The following IQANK1 variants were observed in gnomAD, a reference collection of about 807,000 sequenced individuals.
IQANK1 encodes IQ motif and ankyrin repeat domain-containing protein 1.
In IQANK1, 30 loss-of-function variants were observed where a neutral mutation model predicts 22.6. The ratio of observed to expected loss-of-function variants is 1.33; its 90% confidence interval spans 0.99 to 1.80. The LOEUF (loss-of-function observed/expected upper bound fraction) is 1.80. Among genes scored for constraint, IQANK1 ranks in the 40% most tolerant of loss-of-function variants. IQANK1 has a pLI of 0.00. For synonymous variants in IQANK1, 122 were observed against 99.6 expected (o/e 1.23, Z -1.34); for missense variants, 275 against 235.2 (o/e 1.17, Z -1.11).
chr8:143,788,874 G>A (rs1255189287), intron 7 of IQANK1, 41 bp from the exon 8 acceptor site: 1 of 398,910 alleles, frequency 2.5e-6, no homozygotes, highest in Non-Finnish European at 4.4e-6. Flanking sequence ...AGGAGACTCG[G>A]AACACGCACT....
In IQANK1 at chr8:143,748,817, TATAA is replaced by T. The variant is rs1372957550; in HGVS notation, c.175+8873_175+8876del. Reference sequence around the variant, plus strand: ...TATATAAATATATATCATATAAATATATAAATATATATTTCATATATAAATATAT... The same window carrying T: ...TATATAAATATATATCATATAAATATATATATATTTCATATATAAATATAT... On this transcript the variant is annotated intron_variant, in intron 3 of 13. Transcript: ENST00000527139. Among the ~76,000 whole-genome samples the T allele has an allele frequency of 4.5e-3, 520 of 116,578 alleles. 10 individuals carry two copies. Among genetic ancestry groups the T allele is most frequent in the African/African-American group, 0.017 (477 of 27,868 alleles). The allele number at this position is 116,578 out of a possible 152,430, so 76.5% of individuals were successfully genotyped here. A position where few individuals can be genotyped will look rare whatever the true frequency, so the allele number is the denominator to read the frequency against.
chr8:143,768,403 G>A (rs187861500), intron 3 of IQANK1, among the ~76,000 whole-genome samples: 35 of 152,130 alleles, frequency 2.3e-4, no homozygotes, highest in Admixed American at 2.2e-3. Context: ...CTTTGTAAAT[G>A]TACTATGTTT....
chr8:143,765,978 T>A (rs1323967934), intron 3 of IQANK1, among the ~76,000 whole-genome samples: 1 of 152,198 alleles, frequency 6.6e-6, no homozygotes, highest in African/African-American at 2.4e-5. Flanking sequence ...GGAGAAAGGT[T>A]GCTAAGGCAC....
At chr8:143,766,261 T>C (rs913106830) in intron 3 of IQANK1, among the ~76,000 whole-genome samples, 16 of 152,236 alleles carry the variant, frequency 1.1e-4, no homozygotes, top group Middle Eastern at 3.2e-3. Context: ...CTTACGGCTT[T>C]GTAGTATTTC....
intron 10 of IQANK1, 52 bp from the exon 11 acceptor site, chr8:143,789,709 C>G (rs1819982541): frequency 4.1e-6 from 5 of 1,226,520 alleles, no homozygotes; most frequent in Admixed American, 4.2e-5. Context: ...GCTGCCCTCT[C>G]CAGCCAGAGC....
intron 7 of IQANK1, among the ~76,000 whole-genome samples, chr8:143,780,165 G>A (rs1301782415): frequency 1.3e-5 from 2 of 152,018 alleles, no homozygotes; most frequent in African/African-American, 4.8e-5. Flanking sequence ...TATAGTGCTT[G>A]CTTCCTTCTT....
At chr8:143,773,796 G>C (rs1322882366) in intron 7 of IQANK1, among the ~76,000 whole-genome samples, 5 of 152,168 alleles carry the variant, frequency 3.3e-5, no homozygotes, top group Non-Finnish European at 7.4e-5. Flanking sequence ...GGGCCGAGGC[G>C]GTGGGCTTAG....
intron 7 of IQANK1, among the ~76,000 whole-genome samples, chr8:143,788,188 G>A (rs535102765): frequency 1.7e-4 from 26 of 152,324 alleles, no homozygotes; most frequent in Admixed American, 1.7e-3. Flanking sequence ...ATTCACACAC[G>A]GAGCCACCCA....
chr8:143,743,191 C>T lies in IQANK1; in HGVS notation c.175+3243C>T, dbSNP rs1301205063. The T allele has an allele frequency of 1.1e-5, 4 of 369,590 alleles. No individual in the cohort carries two copies. The East Asian group carries it at 2.2e-4, about 20-fold the overall frequency. The allele number at this position is 369,590 out of a possible 1,614,324, so 22.9% of individuals were successfully genotyped here. A position where few individuals can be genotyped will look rare whatever the true frequency, so the allele number is the denominator to read the frequency against. On this transcript the variant is annotated intron_variant, in intron 3 of 13. Transcript: ENST00000527139. The stretch of plus-strand genomic sequence containing the variant: ...CCCTCTGGCTCTCCACTTCTGCCTC[C>T]CTCTTCCACTGTTTTTGGTTTGGGT...
At chr8:143,751,316 A>C (rs539285043) in intron 3 of IQANK1, among the ~76,000 whole-genome samples, 1 of 152,224 alleles carries the variant, frequency 6.6e-6, no homozygotes, top group Admixed American at 6.5e-5. Flanking sequence ...TAAAAATAAT[A>C]ATTTAAAAAT....
At chr8:143,749,363 A>T (rs1554627740) in intron 3 of IQANK1, among the ~76,000 whole-genome samples, 1 of 130,940 alleles carries the variant, frequency 7.6e-6, no homozygotes, top group African/African-American at 3.0e-5. Flanking sequence ...ATATAAAAAT[A>T]TATAAATATA....
chr8:143,788,451 C>A (rs893718223), intron 7 of IQANK1, among the ~76,000 whole-genome samples: 1 of 152,224 alleles, frequency 6.6e-6, no homozygotes, highest in Non-Finnish European at 1.5e-5. Flanking sequence ...GAGGCAGCGG[C>A]GGCCCCAGGG....
intron 10 of IQANK1, 80 bp downstream of exon 10, chr8:143,789,608 C>T: frequency 8.2e-7 from 1 of 1,225,696 alleles, no homozygotes; most frequent in Non-Finnish European, 1.0e-6. Flanking sequence ...GAGCTCCCCG[C>T]TCCCAGGCCT....
intron 2 of IQANK1, among the ~76,000 whole-genome samples, chr8:143,737,344 C>T (rs1240754284): frequency 3.3e-5 from 5 of 152,234 alleles, no homozygotes; most frequent in East Asian, 3.9e-4. Context: ...CTGCCCTGGA[C>T]GGCTCTGGCC....
intron 3 of IQANK1, among the ~76,000 whole-genome samples, chr8:143,765,739 G>GTATATATATATAAAGTACA (rs1819471418): frequency 6.6e-6 from 1 of 152,120 alleles, no homozygotes; most frequent in South Asian, 2.1e-4. Context: ...TTCCTTTGTG[G>GTATATATATATAAAGTACA]TATATAAAGT....
At position 143,758,469 on chromosome 8, in the gene IQANK1, G is replaced by GA. The variant is rs1301554082; in HGVS notation, c.176-13009dup. 1.6e-3 allele frequency: 238 copies of GA among 145,296 alleles called. 1 individual carries two copies. Among genetic ancestry groups the GA allele is most frequent in the African/African-American group, 4.4e-3 (175 of 39,696 alleles). The allele number at this position is 145,296 out of a possible 1,614,324, so 9.0% of individuals were successfully genotyped here. ...CAAGAGCGAAACTCCATCTCAAAAAGAAAAAAAAAAGAAGATGAAACATTT... is the reference window on the plus strand; with the variant it reads ...CAAGAGCGAAACTCCATCTCAAAAAGAAAAAAAAAAAGAAGATGAAACATTT... On this transcript the variant is annotated intron_variant, in intron 3 of 13. Transcript: ENST00000527139. The surrounding 1 kb of genome is among the most constrained non-coding windows in gnomAD (Gnocchi z 4.2).
intron 3 of IQANK1, chr8:143,759,230 A>G: frequency 1.1e-5 from 2 of 184,612 alleles, no homozygotes; most frequent in Non-Finnish European, 1.2e-5. Flanking sequence ...TGTGGACGTT[A>G]CAGCCCTGCA....
At chr8:143,750,031 T>G (rs1183116614) in intron 3 of IQANK1, among the ~76,000 whole-genome samples, 1 of 149,502 alleles carries the variant, frequency 6.7e-6, no homozygotes, top group East Asian at 2.0e-4. Context: ...TGAGGTGGAG[T>G]TTCGCTCTTG....
Position 143,790,075 on chromosome 8 carries a change from C to T in IQANK1, c.1289+11C>T, listed in dbSNP as rs1342276793. On this transcript the variant is annotated intron_variant, in intron 12 of 13. Coordinates refer to ENST00000527139, the MANE Select transcript of IQANK1 (RefSeq NM_001381874.1). ...CCGTGCCGATGGCCGGTCAGTTCTC[C>T]GGGCCAGACGTGGGCGATTTGGGGT... 26 of 1,232,008 alleles carry T rather than the reference C, an allele frequency of 2.1e-5. No individual in the cohort carries two copies. Among genetic ancestry groups the T allele is most frequent in the Admixed American group, 4.2e-5 (1 of 23,708 alleles). 76.3% of individuals were successfully genotyped at this position (1,232,008 alleles called of 1,614,324 possible).
Sources: allele counts gnomAD v4.1 joint callset (sites outside exome capture counted in the v4.1 genomes callset), GRCh38; gene constraint gnomAD v4.1.1; non-coding constraint Gnocchi (gnomAD v3.1); transcripts MANE v1.5; gene names NCBI Gene and HGNC (gene_info 2026-07-23, HGNC 2026-07-21).